The following AMBRA1 variants were observed in gnomAD, a reference collection of about 807,000 sequenced individuals.
AMBRA1 encodes activating molecule in BECN1-regulated autophagy protein 1.
In AMBRA1, 47 loss-of-function variants were observed where a neutral mutation model predicts 125.4. The observed-to-expected ratio is 0.37, with a 90% CI of 0.30 to 0.48. AMBRA1 has a LOEUF of 0.48. AMBRA1 is among the 20% of genes least tolerant of loss of function. The pLI is 0.99. For missense variants in AMBRA1, 1,331 were observed against 1,693.4 expected, an observed-to-expected ratio of 0.79 and a Z score of 3.76; for synonymous variants, 626 against 655.5, an observed-to-expected ratio of 0.95 and a Z score of 0.69.
chr11:46,482,877 C>A (rs1211950026), intron 11 of AMBRA1, among the ~76,000 whole-genome samples: 1 of 151,980 alleles, frequency 6.6e-6, no homozygotes, highest in East Asian at 1.9e-4. Flanking sequence ...GGCGTGGTGG[C>A]ATGCGCCTGT....
chr11:46,497,760 T>G (rs1296294536), intron 9 of AMBRA1, among the ~76,000 whole-genome samples: 1 of 152,192 alleles, frequency 6.6e-6, no homozygotes, highest in African/African-American at 2.4e-5. Flanking sequence ...CCATCAGTTT[T>G]AGTACTGGTA....
chr11:46,399,314 T>C (rs1426317835), intron 17 of AMBRA1, among the ~76,000 whole-genome samples: 1 of 152,190 alleles, frequency 6.6e-6, no homozygotes, highest in Non-Finnish European at 1.5e-5. Flanking sequence ...CCTCAGGTAA[T>C]CTGCCTGCCT....
chr11:46,418,859 C>G (rs988246913), intron 14 of AMBRA1, among the ~76,000 whole-genome samples: 2 of 152,212 alleles, frequency 1.3e-5, no homozygotes, highest in African/African-American at 2.4e-5. Context: ...CCCATAAAGC[C>G]CACCATACCA....
chr11:46,466,711 T>G (rs1949341400), intron 11 of AMBRA1, among the ~76,000 whole-genome samples: 1 of 152,168 alleles, frequency 6.6e-6, no homozygotes, highest in Admixed American at 6.5e-5. Flanking sequence ...TTTCAAATTT[T>G]TATTTTTATC....
At chr11:46,407,963 A>G (rs777371785) in intron 17 of AMBRA1, among the ~76,000 whole-genome samples, 2 of 152,186 alleles carry the variant, frequency 1.3e-5, no homozygotes, top group African/African-American at 2.4e-5. Flanking sequence ...TTGGTTTTTA[A>G]AAGTGTGAGG....
intron 7 of AMBRA1, among the ~76,000 whole-genome samples, chr11:46,522,835 T>G (rs1951819727): frequency 6.6e-6 from 1 of 152,194 alleles, no homozygotes; most frequent in South Asian, 2.1e-4. Flanking sequence ...ATTTCTGACC[T>G]GAAACTTTAA....
chr11:46,532,899 C>A (rs1952281645), intron 7 of AMBRA1, among the ~76,000 whole-genome samples: 1 of 152,204 alleles, frequency 6.6e-6, no homozygotes, highest in Non-Finnish European at 1.5e-5. Context: ...AATTCCACTT[C>A]TAGAACTTCA....
At chr11:46,552,615 G>T (rs2043040688) in intron 1 of AMBRA1, among the ~76,000 whole-genome samples, 1 of 150,820 alleles carries the variant, frequency 6.6e-6, no homozygotes. Flanking sequence ...AACCCGGGAG[G>T]CGGAGGTTGC....
chr11:46,457,600 T>G (rs1456884531), intron 11 of AMBRA1, among the ~76,000 whole-genome samples: 4 of 152,128 alleles, frequency 2.6e-5, no homozygotes, highest in African/African-American at 9.7e-5. Context: ...GTGGTGACGG[T>G]TGCTTATAAG....
intron 11 of AMBRA1, among the ~76,000 whole-genome samples, chr11:46,491,727 G>T (rs539503097): frequency 6.6e-6 from 1 of 152,262 alleles, no homozygotes. Context: ...TGCATCCTTT[G>T]ATAGATTTTC....
intron 1 of AMBRA1, among the ~76,000 whole-genome samples, chr11:46,552,942 T>A (rs2043053081): frequency 6.6e-6 from 1 of 151,938 alleles, no homozygotes; most frequent in Non-Finnish European, 1.5e-5. Flanking sequence ...CCAAACCTCA[T>A]CACTCACTTT....
At chr11:46,411,776 G>T (rs2136628124) in intron 15 of AMBRA1, among the ~76,000 whole-genome samples, 1 of 151,674 alleles carries the variant, frequency 6.6e-6, no homozygotes, top group African/African-American at 2.4e-5. Flanking sequence ...GCCCAAATCT[G>T]TCTTTTTAAT....
intron 12 of AMBRA1, 55 bp downstream of exon 12, chr11:46,443,433 G>A (rs1326265049): frequency 2.1e-6 from 3 of 1,457,416 alleles, no homozygotes; most frequent in Non-Finnish European, 2.9e-6. Flanking sequence ...TTTGAGTTCT[G>A]GCTCACCAGC....
intron 7 of AMBRA1, among the ~76,000 whole-genome samples, chr11:46,534,833 C>G (rs1952390079): frequency 6.6e-6 from 1 of 152,040 alleles, no homozygotes; most frequent in African/African-American, 2.4e-5. Flanking sequence ...GCCACGATGC[C>G]CAGCTAATTT....
intron 14 of AMBRA1, among the ~76,000 whole-genome samples, chr11:46,432,266 G>A (rs541414072): frequency 6.6e-5 from 10 of 152,290 alleles, no homozygotes; most frequent in South Asian, 4.2e-4. Flanking sequence ...CACAAGGAAC[G>A]AGTGATCAAT....
intron 7 of AMBRA1, among the ~76,000 whole-genome samples, chr11:46,515,615 G>A (rs1336183152): frequency 6.6e-6 from 1 of 152,222 alleles, no homozygotes; most frequent in Admixed American, 6.5e-5. Context: ...TAGGAATGCT[G>A]TAAAGGAGAT....
intron 1 of AMBRA1, among the ~76,000 whole-genome samples, chr11:46,573,764 C>A (rs1412165703): frequency 6.7e-6 from 1 of 150,268 alleles, no homozygotes; most frequent in Non-Finnish European, 1.5e-5. Context: ...GCGCTGCACC[C>A]ACTAACTCAT....
intron 1 of AMBRA1, among the ~76,000 whole-genome samples, chr11:46,557,678 T>C (rs1268283243): frequency 1.3e-5 from 2 of 152,104 alleles, no homozygotes; most frequent in Non-Finnish European, 2.9e-5. Flanking sequence ...CATGGTGGCA[T>C]GTGCCTGTGG....
Position 46,548,374 on chromosome 11 carries a change from C to T in AMBRA1, c.7G>A (p.Val3Ile). ...CGGACAGCATTCTTTTCTGGGACAA[C>T]CTTCATGGCGCTCAGTAGCCACTGT... MK[V>I]VPEKNAVRIL... Residue 3 changes from valine (V) to isoleucine (I), a missense_variant, in exon 2 of 18, where the codon GTT becomes ATT. Around this residue, in one of 4 missense-constraint regions of AMBRA1, gnomAD observed 144 missense variants for 250.4 expected, o/e 0.58. Coordinates refer to ENST00000683756, the MANE Select transcript of AMBRA1 (RefSeq NM_001387011.1). The T allele has an allele frequency of 3.1e-6, 5 of 1,613,848 alleles. No individual in the cohort carries two copies. Among genetic ancestry groups the T allele is most frequent in the Non-Finnish European group, 4.2e-6 (5 of 1,180,024 alleles).
Sources: allele counts gnomAD v4.1 joint callset (sites outside exome capture counted in the v4.1 genomes callset), GRCh38; gene constraint gnomAD v4.1.1; regional missense constraint gnomAD v4.1.1; transcripts MANE v1.5; gene names NCBI Gene and HGNC (gene_info 2026-07-23, HGNC 2026-07-21).